CACNA1E: variants seen among roughly 807,000 people sequenced by gnomAD.
CACNA1E encodes voltage-dependent R-type calcium channel subunit alpha-1E.
In CACNA1E, 40 loss-of-function variants were observed where a neutral mutation model predicts 259.2. The ratio of observed to expected loss-of-function variants is 0.15; its 90% CI spans 0.12 to 0.20. The LOEUF is 0.20. CACNA1E is among the 10% of genes least tolerant of loss of function. The pLI is 1.00. For synonymous variants in CACNA1E, 1,104 were observed against 1,138.5 expected (o/e 0.97, Z 0.61); for missense variants, 1,874 against 3,040.1 (o/e 0.62, Z 9.02).
chr1:181,663,780 T>G (rs1647926107), intron 7 of CACNA1E, among the ~76,000 whole-genome samples: 1 of 152,230 alleles, frequency 6.6e-6, no homozygotes, highest in Non-Finnish European at 1.5e-5. Flanking sequence ...TTTTTACACT[T>G]GGCCATTGCT....
chr1:181,532,366 T>C (rs927965498), intron 3 of CACNA1E, among the ~76,000 whole-genome samples: 5 of 152,222 alleles, frequency 3.3e-5, no homozygotes, highest in Non-Finnish European at 5.9e-5. Flanking sequence ...GAATAATTGA[T>C]TCAGAAGCTT....
Position 181,345,242 on chromosome 1 carries a change from G to A in CACNA1E, c.-15+27119G>A, listed in dbSNP as rs542286049. ...GCCGTCATCGGCTGTGCTGATTGATGCTGATTGCATTGGAGTGCTGGTAGC... is the reference window on the plus strand; with the variant it reads ...GCCGTCATCGGCTGTGCTGATTGATACTGATTGCATTGGAGTGCTGGTAGC... On this transcript the variant is annotated intron_variant, in intron 1 of 11. Transcript: ENST00000524607. Among the ~76,000 whole-genome samples, 186 of 152,398 alleles carry A rather than the reference G, an allele frequency of 1.2e-3. 1 individual carries two copies. The highest frequency in any genetic ancestry group is 4.3e-3 in the African/African-American group (178 of 41,598).
chr1:181,433,353 C>A (rs1361718344), intron 2 of CACNA1E, among the ~76,000 whole-genome samples: 1 of 152,204 alleles, frequency 6.6e-6, no homozygotes, highest in Non-Finnish European at 1.5e-5. Context: ...AGGCTGAGAT[C>A]CCTCCCAGCT....
chr1:181,764,773 GCTTTTAAAAC>G (rs1410512520), intron 34 of CACNA1E, among the ~76,000 whole-genome samples: 2 of 151,304 alleles, frequency 1.3e-5, no homozygotes, highest in Non-Finnish European at 2.9e-5. Flanking sequence ...AACACAACAT[GCTTTTAAAAC>G]CTTTTTTTTT....
At chr1:181,647,998 C>G (rs975583638) in intron 6 of CACNA1E, among the ~76,000 whole-genome samples, 2 of 152,174 alleles carry the variant, frequency 1.3e-5, no homozygotes, top group African/African-American at 4.8e-5. Context: ...CAGTCATCTT[C>G]AAGAACCCCC....
chr1:181,466,256 C>T (rs1472619884), intron 2 of CACNA1E, among the ~76,000 whole-genome samples: 1 of 152,092 alleles, frequency 6.6e-6, no homozygotes, highest in African/African-American at 2.4e-5. Context: ...AAAACTTACC[C>T]ATTAGGCTGG....
At chr1:181,670,756 C>T (rs563082816) in intron 7 of CACNA1E, among the ~76,000 whole-genome samples, 210 of 152,290 alleles carry the variant, frequency 1.4e-3, no homozygotes, top group Non-Finnish European at 2.4e-3. Context: ...CTTCCCCATG[C>T]CCCCACCCCA....
chr1:181,709,936 A>G (rs1653171155), intron 7 of CACNA1E, among the ~76,000 whole-genome samples: 1 of 152,224 alleles, frequency 6.6e-6, no homozygotes, highest in African/African-American at 2.4e-5. Context: ...AGGCATTGCT[A>G]GAGGTGGCTT....
intron 6 of CACNA1E, among the ~76,000 whole-genome samples, chr1:181,645,236 G>A (rs1658156066): frequency 2.6e-5 from 4 of 152,134 alleles, no homozygotes. Flanking sequence ...ATTTGGGGTG[G>A]GGGATAGTGT....
Position 181,716,042 on chromosome 1 carries a change from C to T in CACNA1E, c.1228C>T (p.Leu410Phe). Residue 410 changes from leucine to phenylalanine, a missense_variant and splice_region_variant, in exon 10 of 48, where the codon CTT (leucine) becomes TTT (phenylalanine). By Grantham distance (22) the Leu-to-Phe change is conservative. Around this residue, in one of 14 missense-constraint regions of CACNA1E, gnomAD observed 157 missense variants for 203.5 expected, o/e 0.77. Transcript: ENST00000367573. Reference sequence around the variant, plus strand: ...GGTCTTCCCTTTCCCTGATGCAGTGCTTCGAAGGGCAACCATCAAGAGGAG... The same window carrying T: ...GGTCTTCCCTTTCCCTGATGCAGTGTTTCGAAGGGCAACCATCAAGAGGAG... ...KNAGTSALEV[L>F]RRATIKRSRT... 6.4e-7 allele frequency: 1 copy of T among 1,564,104 alleles called. No individual in the cohort carries two copies. Among genetic ancestry groups the T allele is most frequent in the South Asian group, 1.2e-5 (1 of 84,698 alleles).
In CACNA1E at chr1:181,624,626, A is replaced by G. The variant is rs141748741; in HGVS notation, c.952-26712A>G. 1.2e-3 allele frequency among the ~76,000 whole-genome samples: 181 copies of G among 152,258 alleles called. 1 individual carries two copies. Among genetic ancestry groups the G allele is most frequent in the African/African-American group, 4.2e-3 (174 of 41,564 alleles). On this transcript the variant is annotated intron_variant, in intron 6 of 47. Transcript: ENST00000367573. ...AGTCACATCTTCAGGCTTTATTTCT[A>G]TTTTTAGTTCTCTTGCTGTTTTCAC...
Position 181,577,801 on chromosome 1 carries a change from A to G in CACNA1E, c.548A>G (p.His183Arg). Residue 183 changes from histidine (H) to arginine (R), a missense_variant, in exon 4 of 48, where the codon CAC becomes CGC. Coordinates refer to ENST00000367573, the MANE Select transcript of CACNA1E (RefSeq NM_001205293.3). The stretch of plus-strand genomic sequence containing the variant: ...ACTGCAGGAACCCACTTCAATACTC[A>G]CGTGGACCTGAGGACCCTCCGGGCT... ...LATAGTHFNT[H>R]VDLRTLRAVR... 6.2e-7 allele frequency: 1 copy of G among 1,609,672 alleles called. No homozygotes were observed.
chr1:181,602,251 C>T (rs1653815695), intron 6 of CACNA1E, among the ~76,000 whole-genome samples: 1 of 152,222 alleles, frequency 6.6e-6, no homozygotes, highest in African/African-American at 2.4e-5. Flanking sequence ...GTCTCACACA[C>T]TGCTGCAAAC....
chr1:181,417,825 A>G (rs544612371), intron 2 of CACNA1E, among the ~76,000 whole-genome samples: 1 of 152,256 alleles, frequency 6.6e-6, no homozygotes, highest in East Asian at 1.9e-4. Flanking sequence ...GGCTCCATCC[A>G]CTGCACTGAC....
At chr1:181,777,845 G>A (rs1218622366) in intron 38 of CACNA1E, among the ~76,000 whole-genome samples, 3 of 152,200 alleles carry the variant, frequency 2.0e-5, no homozygotes, top group Non-Finnish European at 4.4e-5. Flanking sequence ...AGCCTAAGAA[G>A]GGACCTCTTC....
chr1:181,366,083 A>C (rs539812745), intron 1 of CACNA1E, among the ~76,000 whole-genome samples: 1 of 152,146 alleles, frequency 6.6e-6, no homozygotes, highest in African/African-American at 2.4e-5. Context: ...AAGGCTGATG[A>C]ATGGAACCTG....
intron 1 of CACNA1E, among the ~76,000 whole-genome samples, chr1:181,321,514 T>A (rs1469026899): frequency 6.6e-6 from 1 of 152,196 alleles, no homozygotes; most frequent in African/African-American, 2.4e-5. Flanking sequence ...ATGGCCTAGA[T>A]TGGAAAAGGC....
intron 2 of CACNA1E, among the ~76,000 whole-genome samples, chr1:181,434,386 A>G (rs1213039625): frequency 8.1e-6 from 1 of 123,404 alleles, no homozygotes; most frequent in Non-Finnish European, 1.7e-5. Context: ...AGTACTTACT[A>G]CTGGCCAATT....
chr1:181,696,050 A>ATGTTTCTT (rs1572628330), intron 7 of CACNA1E, among the ~76,000 whole-genome samples: 3 of 152,330 alleles, frequency 2.0e-5, no homozygotes, highest in Admixed American at 6.5e-5. Context: ...GGCGAGACAA[A>ATGTTTCTT]TGTTTCTTGG....
Sources: gnomAD v4.1 joint callset for allele counts (sites outside exome capture counted in the v4.1 genomes callset) on GRCh38, gnomAD v4.1.1 for gene constraint, gnomAD v4.1.1 regional missense constraint, MANE v1.5 for transcripts, NCBI Gene and HGNC (gene_info 2026-07-23, HGNC 2026-07-21) for gene names.